Variants in ITPR2 observed in about 807,000 individuals in gnomAD.
ITPR2 encodes the protein inositol 1,4,5-trisphosphate receptor type 2.
Under a neutral mutation model 317.1 loss-of-function variants are expected in ITPR2, and 207 were observed. That is an observed-to-expected ratio of 0.65 (90% confidence interval 0.58 to 0.73). The LOEUF (loss-of-function observed/expected upper bound fraction) is 0.73. ITPR2 is among the 30% of genes least tolerant of loss of function. The pLI, the probability that ITPR2 is intolerant of heterozygous loss-of-function variation, is 0.00. For synonymous variants in ITPR2, 1,156 were observed against 1,149.1 expected, an observed-to-expected ratio of 1.01 and a Z score of -0.12; for missense variants, 2,613 against 3,284.0, an observed-to-expected ratio of 0.80 and a Z score of 4.99.
At chr12:26,561,121 G>C (rs1466691052) in intron 35 of ITPR2, among the ~76,000 whole-genome samples, 4 of 152,152 alleles carry the variant, frequency 2.6e-5, no homozygotes, top group African/African-American at 9.7e-5. Flanking sequence ...AAGAAGAAGG[G>C]ATTAGGACAC....
chr12:26,471,107 G>C (rs1942281624), intron 45 of ITPR2, among the ~76,000 whole-genome samples: 1 of 152,152 alleles, frequency 6.6e-6, no homozygotes. Flanking sequence ...TGATCCAGGA[G>C]TTATTTTTGC....
chr12:26,585,990 T>C (rs1420401065), intron 32 of ITPR2, among the ~76,000 whole-genome samples: 2 of 152,214 alleles, frequency 1.3e-5, no homozygotes. Flanking sequence ...TAACTTTTTG[T>C]ATTTCCTGTT....
Position 26,657,699 on chromosome 12 carries a change from TACTTA to T in ITPR2, c.2192+3_2192+7del, listed in dbSNP as rs759352003. Reference sequence around the variant, plus strand: ...GGAATTATTGTAAGATTGTCTATAATACTTAACCTGTAATAGGTAAGAACTTCTAA... The same window carrying T: ...GGAATTATTGTAAGATTGTCTATAATACCTGTAATAGGTAAGAACTTCTAA... On this transcript the variant is annotated splice_donor_5th_base_variant and intron_variant, in intron 18 of 56. Transcript: ENST00000381340. 1.4e-5 allele frequency: 22 copies of T among 1,611,028 alleles called. No homozygotes were observed. In the East Asian group the frequency reaches 4.2e-4, roughly 31 times the overall value.
intron 42 of ITPR2, 116 bp from the exon 43 acceptor site, chr12:26,481,357 G>C: frequency 1.6e-6 from 1 of 612,040 alleles, no homozygotes. Flanking sequence ...AAATAGGTAA[G>C]ATTTACCTTT....
At chr12:26,345,945 T>C (rs1489941478) in intron 55 of ITPR2, among the ~76,000 whole-genome samples, 2 of 152,252 alleles carry the variant, frequency 1.3e-5, no homozygotes, top group Non-Finnish European at 2.9e-5. Context: ...ATCATGCATA[T>C]GATTATTAGA....
chr12:26,444,611 T>C (rs969081532), intron 45 of ITPR2, among the ~76,000 whole-genome samples: 1 of 152,202 alleles, frequency 6.6e-6, no homozygotes, highest in East Asian at 1.9e-4. Flanking sequence ...GCACAGAGAG[T>C]GTAAGGAACT....
chr12:26,728,034 T>C (rs1592075567), intron 2 of ITPR2, among the ~76,000 whole-genome samples: 1 of 152,064 alleles, frequency 6.6e-6, no homozygotes, highest in East Asian at 1.9e-4. Context: ...AAAAATGGAA[T>C]GGTAGGCTGA....
chr12:26,481,240 G>T lies in ITPR2; in HGVS notation c.6014C>A (p.Thr2005Asn). The T allele has an allele frequency of 1.3e-6, 2 of 1,560,656 alleles. No homozygotes were observed. Among genetic ancestry groups the T allele is most frequent in the East Asian group, 2.3e-5 (1 of 44,420 alleles). Residue 2005 changes from threonine to asparagine, a missense_variant and splice_region_variant, in exon 43 of 57, where the codon ACC (threonine) becomes AAC (asparagine). Physicochemically the swap from Thr to Asn is moderately conservative, Grantham distance 65. This residue lies in a region of ITPR2 where 926 missense variants were observed against 1,072.8 expected (regional missense o/e 0.86). Coordinates refer to ENST00000381340, the MANE Select transcript of ITPR2 (RefSeq NM_002223.4). ...ATTAGACTCATGTGTAGCGATACAG[G>T]TCTAGAAAACAAAATATTTGTAAAA... ...YCQGPCHENQ[T>N]CIATHESNGI...
At position 26,338,426 on chromosome 12, in the gene ITPR2, G is replaced by A. The variant is rs903012888; in HGVS notation, c.*971C>T. 1.3e-5 allele frequency: 2 copies of A among 152,316 alleles called. No individual in the cohort carries two copies. Among genetic ancestry groups the A allele is most frequent in the Non-Finnish European group, 2.9e-5 (2 of 67,988 alleles). The allele number at this position is 152,316 out of a possible 1,614,324, so 9.4% of individuals were successfully genotyped here. Reference sequence around the variant, plus strand: ...CTGCAGGAACAGCATACATAAAAACGCTCGGGTCCTGAAGCAATTCTTTAA... The same window carrying A: ...CTGCAGGAACAGCATACATAAAAACACTCGGGTCCTGAAGCAATTCTTTAA... On this transcript the variant is annotated 3_prime_UTR_variant, in exon 57 of 57. Transcript: ENST00000381340.
intron 49 of ITPR2, among the ~76,000 whole-genome samples, chr12:26,424,387 T>C (rs1224240617): frequency 6.6e-6 from 1 of 152,134 alleles, no homozygotes; most frequent in African/African-American, 2.4e-5. Context: ...CTGATACCTA[T>C]AGTTTTAGCA....
chr12:26,597,770 T>G (rs1326837013), intron 30 of ITPR2, among the ~76,000 whole-genome samples: 2 of 152,202 alleles, frequency 1.3e-5, no homozygotes, highest in African/African-American at 4.8e-5. Context: ...AGTAGAAAAT[T>G]CCATCAGGTG....
At chr12:26,514,655 G>A (rs894694738) in intron 37 of ITPR2, among the ~76,000 whole-genome samples, 2 of 152,126 alleles carry the variant, frequency 1.3e-5, no homozygotes, top group African/African-American at 4.8e-5. Flanking sequence ...TTTCACTACT[G>A]AAACACTGAC....
intron 5 of ITPR2, among the ~76,000 whole-genome samples, chr12:26,719,345 C>T (rs16931303): frequency 0.057 from 8,735 of 152,278 alleles, 364 homozygotes; most frequent in Middle Eastern, 0.16. Context: ...AAGTCATTTT[C>T]TGCCACATCC....
chr12:26,385,207 G>C (rs1939631729), intron 55 of ITPR2, among the ~76,000 whole-genome samples: 1 of 152,130 alleles, frequency 6.6e-6, no homozygotes, highest in South Asian at 2.1e-4. Flanking sequence ...CTGGCTCCAA[G>C]GCTCAAGCTG....
intron 21 of ITPR2, among the ~76,000 whole-genome samples, chr12:26,644,955 C>T (rs1947078843): frequency 6.6e-6 from 1 of 152,166 alleles, no homozygotes; most frequent in Non-Finnish European, 1.5e-5. Context: ...CTCACCCATT[C>T]CAGAGCTGCC....
Position 26,654,132 on chromosome 12 carries a change from TAA to T in ITPR2, c.2590-8_2590-7del, listed in dbSNP as rs754965250. ...TTCCGAGCCAAGTGGACCACCTTAATAAAAAAAAAAAAGCGGGGAGGGGGAGG... is the reference window on the plus strand; with the variant it reads ...TTCCGAGCCAAGTGGACCACCTTAATAAAAAAAAAAGCGGGGAGGGGGAGG... On this transcript the variant is annotated splice_region_variant and splice_polypyrimidine_tract_variant and intron_variant, in intron 20 of 56. Coordinates refer to ENST00000381340, the MANE Select transcript of ITPR2 (RefSeq NM_002223.4). The T allele has an allele frequency of 1.0e-3, 858 of 837,864 alleles. No homozygotes were observed. Among genetic ancestry groups the T allele is most frequent in the East Asian group, 2.0e-3 (44 of 22,088 alleles). 51.9% of individuals were successfully genotyped at this position (837,864 alleles called of 1,614,324 possible). A position where few individuals can be genotyped will look rare whatever the true frequency, so the allele number is the denominator to read the frequency against.
At chr12:26,669,594 G>C (rs137926412) in intron 13 of ITPR2, among the ~76,000 whole-genome samples, 18 of 152,292 alleles carry the variant, frequency 1.2e-4, no homozygotes, top group African/African-American at 4.3e-4. Flanking sequence ...GGAACAGCTC[G>C]GGTCTACAGC....
chr12:26,338,479 T>C lies in ITPR2; in HGVS notation c.*918A>G, dbSNP rs1937993962. ...ACAGCAAACGTTGAGTCAAATGGCT[T>C]TCACTCCATGTTTATAAAAGGCAAT... On this transcript the variant is annotated 3_prime_UTR_variant, in exon 57 of 57. Coordinates refer to ENST00000381340, the MANE Select transcript of ITPR2 (RefSeq NM_002223.4). The C allele has an allele frequency of 6.6e-6, 1 of 152,620 alleles. No individual in the cohort carries two copies. The highest frequency in any genetic ancestry group is 1.5e-5 in the Non-Finnish European group (1 of 68,024). 9.5% of individuals were successfully genotyped at this position (152,620 alleles called of 1,614,324 possible). A position where few individuals can be genotyped will look rare whatever the true frequency, so the allele number is the denominator to read the frequency against.
intron 28 of ITPR2, 44 bp downstream of exon 28, chr12:26,602,326 T>C (rs1402308883): frequency 2.6e-6 from 4 of 1,563,108 alleles, no homozygotes; most frequent in Admixed American, 2.1e-5. Context: ...TTTGAAATTG[T>C]ATCAAAATAA....
Sources: gnomAD v4.1 joint callset for allele counts (sites outside exome capture counted in the v4.1 genomes callset) on GRCh38, gnomAD v4.1.1 for gene constraint, gnomAD v4.1.1 regional missense constraint, MANE v1.5 for transcripts, NCBI Gene and HGNC (gene_info 2026-07-23, HGNC 2026-07-21) for gene names.